Variants in ZNF704 observed in about 807,000 individuals in gnomAD.
ZNF704 encodes glucocorticoid induced gene 1.
In ZNF704, 10 loss-of-function variants were observed where a neutral mutation model predicts 44.7. That is an observed-to-expected ratio of 0.22 (90% confidence interval 0.14 to 0.38). The LOEUF (loss-of-function observed/expected upper bound fraction) is 0.38. Among genes scored for constraint, ZNF704 ranks in the 10% least tolerant of loss-of-function variants. ZNF704 has a pLI of 1.00. For synonymous variants in ZNF704, 211 were observed against 207.6 expected, an observed-to-expected ratio of 1.02 and a Z score of -0.14; for missense variants, 390 against 545.5, an observed-to-expected ratio of 0.71 and a Z score of 2.84.
chr8:80,658,275 G>C (rs1818046680), intron 7 of ZNF704, among the ~76,000 whole-genome samples: 1 of 151,762 alleles, frequency 6.6e-6, no homozygotes, highest in South Asian at 2.1e-4. Context: ...ATAGGATGCA[G>C]AAAAGATGGT....
At position 80,631,697 on chromosome 8, in the gene ZNF704, T is replaced by G. The variant is rs1282130096; in HGVS notation, c.*9669A>C. On this transcript the variant is annotated 3_prime_UTR_variant, in exon 9 of 9. Transcript: ENST00000327835. ...ATTAGCTATCTGCCTTGTCATTCTT[T>G]ACAGTGAGTCTGAACAAATCTTTTG... 1 of 152,240 alleles carries G rather than the reference T, an allele frequency of 6.6e-6. No homozygotes were observed. Among genetic ancestry groups the G allele is most frequent in the African/African-American group, 2.4e-5 (1 of 41,462 alleles). 9.4% of individuals were successfully genotyped at this position (152,240 alleles called of 1,614,324 possible).
chr8:80,654,005 G>T (rs975849662), intron 7 of ZNF704, among the ~76,000 whole-genome samples: 4 of 152,122 alleles, frequency 2.6e-5, no homozygotes, highest in African/African-American at 9.7e-5. Flanking sequence ...TAGACCAATG[G>T]AACAGAACGG....
At chr8:80,672,789 T>C (rs1054293959) in intron 4 of ZNF704, among the ~76,000 whole-genome samples, 5 of 152,044 alleles carry the variant, frequency 3.3e-5, no homozygotes, top group Non-Finnish European at 5.9e-5. Context: ...GGGGTAAGTG[T>C]TGAAAAACTA....
chr8:80,684,697 G>A (rs553933099), intron 4 of ZNF704, among the ~76,000 whole-genome samples: 20 of 152,124 alleles, frequency 1.3e-4, no homozygotes, highest in Middle Eastern at 6.8e-3. Context: ...GTCACATCAC[G>A]AACACAGCAT....
intron 4 of ZNF704, among the ~76,000 whole-genome samples, chr8:80,671,346 G>T (rs1272423236): frequency 1.3e-5 from 2 of 152,122 alleles, no homozygotes; most frequent in African/African-American, 2.4e-5. Flanking sequence ...CCAGGCTGCG[G>T]CAATATTTTC....
intron 4 of ZNF704, among the ~76,000 whole-genome samples, chr8:80,686,197 G>T (rs1185640398): frequency 6.6e-6 from 1 of 152,162 alleles, no homozygotes; most frequent in Non-Finnish European, 1.5e-5. Flanking sequence ...TGGTGGCTCT[G>T]TCCCTTTCTA....
At chr8:80,799,938 C>G (rs1231624781) in intron 2 of ZNF704, among the ~76,000 whole-genome samples, 1 of 152,036 alleles carries the variant, frequency 6.6e-6, no homozygotes, top group Non-Finnish European at 1.5e-5. Context: ...AATACAGGAG[C>G]TGATAGCCAG....
At chr8:80,754,424 A>T (rs930760827) in intron 2 of ZNF704, among the ~76,000 whole-genome samples, 7 of 152,352 alleles carry the variant, frequency 4.6e-5, no homozygotes, top group Admixed American at 3.3e-4. Flanking sequence ...ACAGAAAATT[A>T]AAACAAGTAT....
intron 3 of ZNF704, among the ~76,000 whole-genome samples, chr8:80,688,247 T>A (rs1446856705): frequency 1.3e-5 from 2 of 152,140 alleles, no homozygotes; most frequent in African/African-American, 4.8e-5. Context: ...TATAGGACTG[T>A]TATTCTTAGA....
intron 2 of ZNF704, among the ~76,000 whole-genome samples, chr8:80,747,307 T>C (rs1001926494): frequency 1.3e-5 from 2 of 152,086 alleles, no homozygotes; most frequent in Non-Finnish European, 2.9e-5. Context: ...CATTTAATAA[T>C]TTTTTTCAAG....
rs1240323303 is a variant in ZNF704 at position 80,632,800 on chromosome 8, T to C, written c.*8566A>G. 1 of 152,248 alleles carries C rather than the reference T, an allele frequency of 6.6e-6. No homozygotes were observed. Among genetic ancestry groups the C allele is most frequent in the Non-Finnish European group, 1.5e-5 (1 of 68,044 alleles). The allele number at this position is 152,248 out of a possible 1,614,324, so 9.4% of individuals were successfully genotyped here. A position where few individuals can be genotyped will look rare whatever the true frequency, so the allele number is the denominator to read the frequency against. On this transcript the variant is annotated 3_prime_UTR_variant, in exon 9 of 9. Transcript: ENST00000327835. ...GTCTTTCTACATCCTGTTATTGTCA[T>C]GGCAACGGCGCTATGATTCTTTTCC...
chr8:80,729,073 A>T (rs1224146124), intron 2 of ZNF704, among the ~76,000 whole-genome samples: 2 of 152,342 alleles, frequency 1.3e-5, no homozygotes, highest in African/African-American at 4.8e-5. Context: ...CTCCTCAAGT[A>T]ACCTCTGTTG....
chr8:80,669,775 G>T (rs917983190), intron 5 of ZNF704, among the ~76,000 whole-genome samples: 2 of 152,116 alleles, frequency 1.3e-5, no homozygotes, highest in Non-Finnish European at 2.9e-5. Flanking sequence ...TCAGATCCCT[G>T]GGCAAGATAG....
intron 2 of ZNF704, among the ~76,000 whole-genome samples, chr8:80,734,720 T>C (rs552592497): frequency 7.1e-4 from 108 of 152,380 alleles, no homozygotes; most frequent in Admixed American, 2.5e-3. Flanking sequence ...ACTTGAGCTA[T>C]AAGATTATAA....
chr8:80,662,211 A>T (rs1585931764), intron 6 of ZNF704, among the ~76,000 whole-genome samples: 1 of 152,250 alleles, frequency 6.6e-6, no homozygotes, highest in Non-Finnish European at 1.5e-5. Context: ...CTGCAAATGT[A>T]TAAACACAGA....
chr8:80,716,398 G>A (rs1488491198), intron 2 of ZNF704, among the ~76,000 whole-genome samples: 2 of 152,154 alleles, frequency 1.3e-5, no homozygotes, highest in Non-Finnish European at 2.9e-5. Context: ...AGGAAATCAG[G>A]TCACTTAAAC....
intron 7 of ZNF704, among the ~76,000 whole-genome samples, chr8:80,654,218 A>G (rs1817970780): frequency 6.6e-6 from 1 of 152,222 alleles, no homozygotes; most frequent in Admixed American, 6.5e-5. Flanking sequence ...TAAATGTTAG[A>G]CCTAAAACCA....
chr8:80,858,401 C>T (rs1008311962), intron 1 of ZNF704, among the ~76,000 whole-genome samples: 3 of 152,158 alleles, frequency 2.0e-5, no homozygotes, highest in African/African-American at 7.2e-5. Flanking sequence ...TTACTAATCA[C>T]TTGTGACTTC....
intron 4 of ZNF704, among the ~76,000 whole-genome samples, chr8:80,683,715 T>C (rs1265043387): frequency 1.3e-5 from 2 of 152,204 alleles, no homozygotes; most frequent in Admixed American, 1.3e-4. Context: ...TTTAAAAGCA[T>C]TTGGTAAACT....
Sources: allele counts gnomAD v4.1 joint callset (sites outside exome capture counted in the v4.1 genomes callset), GRCh38; gene constraint gnomAD v4.1.1; transcripts MANE v1.5; gene names NCBI Gene and HGNC (gene_info 2026-07-23, HGNC 2026-07-21).